ME3: variants seen among roughly 807,000 people sequenced by gnomAD.
ME3 encodes the protein NADP-dependent malic enzyme, mitochondrial.
ME3 carries 48 observed loss-of-function variants against 68.9 expected under a neutral mutation model. That is an observed-to-expected ratio of 0.70 (90% CI 0.55 to 0.89). The LOEUF (loss-of-function observed/expected upper bound fraction) is 0.89. Ranked by LOEUF, ME3 falls within the 40% of genes least tolerant of loss-of-function variation. ME3 has a pLI of 0.00. For synonymous variants in ME3, 320 were observed against 318.8 expected, an observed-to-expected ratio of 1.00 and a Z score of -0.04; for missense variants, 675 against 797.4, an observed-to-expected ratio of 0.85 and a Z score of 1.85.
At chr11:86,613,089 G>A (rs1357876199) in intron 2 of ME3, among the ~76,000 whole-genome samples, 1 of 152,070 alleles carries the variant, frequency 6.6e-6, no homozygotes, top group Non-Finnish European at 1.5e-5. Context: ...TTTTTGTAAG[G>A]TGAAAGGAAG....
intron 2 of ME3, among the ~76,000 whole-genome samples, chr11:86,624,099 T>C (rs1322181638): frequency 1.3e-5 from 2 of 152,170 alleles, no homozygotes; most frequent in African/African-American, 4.8e-5. Flanking sequence ...GGAAGTTTAA[T>C]ATAAACTTTG....
chr11:86,538,018 G>C (rs1955801726), intron 4 of ME3, among the ~76,000 whole-genome samples: 1 of 152,176 alleles, frequency 6.6e-6, no homozygotes, highest in South Asian at 2.1e-4. Context: ...GATGTGGCAT[G>C]GAAATTCACA....
At chr11:86,629,250 T>G (rs1225617861) in intron 2 of ME3, among the ~76,000 whole-genome samples, 1 of 152,202 alleles carries the variant, frequency 6.6e-6, no homozygotes, top group East Asian at 1.9e-4. Context: ...GTCATAACAT[T>G]CAGAGCAGCT....
intron 4 of ME3, among the ~76,000 whole-genome samples, chr11:86,518,283 A>C (rs1427978612): frequency 6.6e-6 from 1 of 152,194 alleles, no homozygotes; most frequent in Non-Finnish European, 1.5e-5. Context: ...TATGATAAAG[A>C]TTCCTCTGGG....
At chr11:86,667,460 G>A (rs1178601779) in intron 2 of ME3, among the ~76,000 whole-genome samples, 1 of 152,220 alleles carries the variant, frequency 6.6e-6, no homozygotes, top group East Asian at 1.9e-4. Flanking sequence ...GGCAGCAAGA[G>A]CATTGGGCTG....
intron 2 of ME3, among the ~76,000 whole-genome samples, chr11:86,629,791 G>A (rs922478667): frequency 6.6e-6 from 1 of 152,186 alleles, no homozygotes; most frequent in African/African-American, 2.4e-5. Context: ...TACCCTGCTA[G>A]CTGGGCTTAC....
At chr11:86,525,687 C>G (rs1331561841) in intron 4 of ME3, among the ~76,000 whole-genome samples, 1 of 151,974 alleles carries the variant, frequency 6.6e-6, no homozygotes, top group Non-Finnish European at 1.5e-5. Flanking sequence ...ACATGGTGAA[C>G]CCCATCTCTA....
intron 2 of ME3, among the ~76,000 whole-genome samples, chr11:86,658,019 G>A (rs58929351): frequency 6.8e-4 from 104 of 152,272 alleles, no homozygotes; most frequent in African/African-American, 2.4e-3. Flanking sequence ...AGCATCTTAG[G>A]GGTACCATGA....
chr11:86,519,598 G>C (rs114350716), intron 4 of ME3, among the ~76,000 whole-genome samples: 1,845 of 152,302 alleles, frequency 0.012, 46 homozygotes, highest in African/African-American at 0.042. Context: ...GGAGGGATAT[G>C]CACTTTCAAC....
Position 86,637,570 on chromosome 11 carries a change from G to A in ME3, c.183+34192C>T, listed in dbSNP as rs1944414075. 2.6e-5 allele frequency among the ~76,000 whole-genome samples: 4 copies of A among 152,278 alleles called. 1 individual carries two copies. The South Asian group carries it at 8.3e-4, about 32-fold the overall frequency. ...AGCCTGGTGTGCACTTAGGAGCAGTGAGTCTTGTGTAGCACGCACAGCACA... is the reference window on the plus strand; with the variant it reads ...AGCCTGGTGTGCACTTAGGAGCAGTAAGTCTTGTGTAGCACGCACAGCACA... On this transcript the variant is annotated intron_variant, in intron 2 of 14. Transcript: ENST00000543262.
At chr11:86,541,403 A>G (rs1317752461) in intron 4 of ME3, among the ~76,000 whole-genome samples, 2 of 152,174 alleles carry the variant, frequency 1.3e-5, no homozygotes, top group Non-Finnish European at 2.9e-5. Context: ...CTGGCTTGAA[A>G]TTCTCGCTGC....
chr11:86,657,403 G>A (rs1317394062), intron 2 of ME3, among the ~76,000 whole-genome samples: 1 of 151,010 alleles, frequency 6.6e-6, no homozygotes, highest in Non-Finnish European at 1.5e-5. Flanking sequence ...TCATTCATAA[G>A]TGGGAGTTGA....
At chr11:86,475,833 A>C (rs1018359589) in intron 7 of ME3, among the ~76,000 whole-genome samples, 1 of 147,654 alleles carries the variant, frequency 6.8e-6, no homozygotes, top group Non-Finnish European at 1.5e-5. Flanking sequence ...GAACCACAGA[A>C]GGCATTCCTA....
At chr11:86,568,228 GA>G (rs1219519180) in intron 2 of ME3, among the ~76,000 whole-genome samples, 1 of 152,124 alleles carries the variant, frequency 6.6e-6, no homozygotes, top group Non-Finnish European at 1.5e-5. Flanking sequence ...TACTAGTTTT[GA>G]ATGTCTCATC....
rs193145642 is a variant in ME3, at chr11:86,562,618, A to T, written c.184-2795T>A. Among the ~76,000 whole-genome samples, 4 of 152,232 alleles carry T rather than the reference A, an allele frequency of 2.6e-5. No individual in the cohort carries two copies. In the East Asian group the frequency reaches 7.7e-4, roughly 29 times the overall value. On this transcript the variant is annotated intron_variant, in intron 2 of 14. Transcript: ENST00000543262. ...ACAGTGATATGTCATTATTGCTTTA[A>T]TTAGCAATCCTCTATTGACATATAA...
chr11:86,514,756 TTAAA>T (rs1488048118), intron 4 of ME3, among the ~76,000 whole-genome samples: 1 of 152,180 alleles, frequency 6.6e-6, no homozygotes, highest in East Asian at 1.9e-4. Context: ...GTTACAATGA[TTAAA>T]TAAGTCAATG....
intron 8 of ME3, among the ~76,000 whole-genome samples, chr11:86,458,891 G>A (rs904031056): frequency 6.6e-6 from 1 of 152,212 alleles, no homozygotes; most frequent in South Asian, 2.1e-4. Flanking sequence ...TCTGAAGCCT[G>A]TGCAAAGTCC....
chr11:86,478,246 G>A (rs1181760384), intron 7 of ME3, among the ~76,000 whole-genome samples: 5 of 137,942 alleles, frequency 3.6e-5, no homozygotes, highest in Non-Finnish European at 6.0e-5. Context: ...GGCCATCCAC[G>A]CCAGTTCTTG....
chr11:86,479,092 T>C (rs1180359732), intron 7 of ME3, among the ~76,000 whole-genome samples: 1 of 152,238 alleles, frequency 6.6e-6, no homozygotes, highest in African/African-American at 2.4e-5. Context: ...TCACCCCATA[T>C]GGGCAGGCAC....
Sources: gnomAD v4.1 joint callset for allele counts (sites outside exome capture counted in the v4.1 genomes callset) on GRCh38, gnomAD v4.1.1 for gene constraint, MANE v1.5 for transcripts, NCBI Gene and HGNC (gene_info 2026-07-23, HGNC 2026-07-21) for gene names.